The following KIF19 variants were observed in gnomAD, a reference collection of about 807,000 sequenced individuals.
KIF19 encodes the protein kinesin family member 19, also known as kinesin-like protein KIF19.
Under a neutral mutation model 106.6 loss-of-function variants are expected in KIF19, and 98 were observed. That is an observed-to-expected ratio of 0.92 (90% CI 0.78 to 1.09). KIF19 has a LOEUF of 1.09. Among genes scored for constraint, KIF19 ranks in the 50% least tolerant of loss-of-function variants. The pLI, the probability that KIF19 is intolerant of heterozygous loss-of-function variation, is 0.00. For synonymous variants in KIF19, 516 were observed against 584.2 expected (o/e 0.88, Z 1.68); for missense variants, 1,373 against 1,414.3 (o/e 0.97, Z 0.47).
Position 74,331,723 on chromosome 17 carries a change from C to T in KIF19, c.120+3218C>T, listed in dbSNP as rs1228212486. Among the ~76,000 whole-genome samples, 4 of 151,802 alleles carry T rather than the reference C, an allele frequency of 2.6e-5. No individual in the cohort carries two copies. Among genetic ancestry groups the T allele is most frequent in the East Asian group, 1.9e-4 (1 of 5,158 alleles). On this transcript the variant is annotated intron_variant, in intron 2 of 19. Coordinates refer to ENST00000389916, the MANE Select transcript of KIF19 (RefSeq NM_153209.4). The surrounding 1 kb of genome is among the most constrained non-coding windows in gnomAD (Gnocchi z 4.1). ...TCCCATGTAGCTGGGATTACGGGCG[C>T]GCGCCACCGTGCCCAGCTAATTTTT...
At chr17:74,340,425 CA>C (rs1282816528) in intron 2 of KIF19, among the ~76,000 whole-genome samples, 1 of 152,212 alleles carries the variant, frequency 6.6e-6, no homozygotes, top group Non-Finnish European at 1.5e-5. Context: ...GGGGCAGAGG[CA>C]GGGGCAGAGT....
chr17:74,342,510 A>T, intron 3 of KIF19, 120 bp from the exon 4 acceptor site: 2 of 603,662 alleles, frequency 3.3e-6, no homozygotes, highest in Non-Finnish European at 2.9e-6. Flanking sequence ...ACCCCCACTT[A>T]TCTTGGGGCT....
chr17:74,338,429 C>T (rs2054275866), intron 2 of KIF19, among the ~76,000 whole-genome samples: 1 of 152,046 alleles, frequency 6.6e-6, no homozygotes, highest in Admixed American at 6.6e-5. Flanking sequence ...AGTGAGTGGC[C>T]TCATTCTTTT....
At position 74,346,273 on chromosome 17, in the gene KIF19, G is replaced by A; in HGVS notation, c.778-105G>A. On this transcript the variant is annotated intron_variant, in intron 7 of 19. Transcript: ENST00000389916. The surrounding 1 kb of genome is among the most constrained non-coding windows in gnomAD (Gnocchi z 4.6). ...GAGGACGGCCACAAGGTCCTTGGGG[G>A]TTTATTACCCAGGATCACCAGGTCA... 3 of 1,323,844 alleles carry A rather than the reference G, an allele frequency of 2.3e-6. No individual in the cohort carries two copies. Among genetic ancestry groups the A allele is most frequent in the Non-Finnish European group, 3.1e-6 (3 of 967,110 alleles). 82.0% of individuals were successfully genotyped at this position (1,323,844 alleles called of 1,614,324 possible).
chr17:74,328,769 T>C lies in KIF19; in HGVS notation c.120+264T>C. ...CCTTTACCTTTCACATGCTCATTGCTTGACTTTCCCACCCTAATATGCCTG... is the reference window on the plus strand; with the variant it reads ...CCTTTACCTTTCACATGCTCATTGCCTGACTTTCCCACCCTAATATGCCTG... On this transcript the variant is annotated intron_variant, in intron 2 of 19. Transcript: ENST00000389916. The C allele has an allele frequency of 8.2e-6, 3 of 365,342 alleles. No homozygotes were observed. The South Asian group carries it at 1.0e-4, about 13-fold the overall frequency. 22.6% of individuals were successfully genotyped at this position (365,342 alleles called of 1,614,324 possible).
rs1567925212 is a variant in KIF19 at position 74,354,344 on chromosome 17, C to A, written c.2491C>A (p.Arg831=). ...GCCACCAGGCCCACTGGCCTGCAAGCGGCCGCCCAGCCCCACACTACAGCA... is the reference window on the plus strand; with the variant it reads ...GCCACCAGGCCCACTGGCCTGCAAGAGGCCGCCCAGCCCCACACTACAGCA... The part of the protein sequence containing the change: ...ARPPGPLACK[R]PPSPTLQHAA... Residue 831 remains arginine (R), a synonymous_variant, in exon 18 of 20, where the codon CGG becomes AGG. Coordinates refer to ENST00000389916, the MANE Select transcript of KIF19 (RefSeq NM_153209.4). 2 of 1,605,460 alleles carry A rather than the reference C, an allele frequency of 1.2e-6. No individual in the cohort carries two copies. The highest frequency in any genetic ancestry group is 1.7e-6 in the Non-Finnish European group (2 of 1,176,574).
At position 74,354,857 on chromosome 17, in the gene KIF19, A is replaced by G; in HGVS notation, c.2782A>G (p.Arg928Gly). 6.4e-7 allele frequency: 1 copy of G among 1,563,878 alleles called. No homozygotes were observed. Among genetic ancestry groups the G allele is most frequent in the African/African-American group, 1.4e-5 (1 of 73,608 alleles). ...RISDHRMPVC[R>G]HPAPGIRHLG... is the part of the protein sequence containing the mutation. ...CTCGGACCACAGGATGCCAGTGTGC[A>G]GGCACCCAGCCCCTGGTATCCGGCA... Residue 928 changes from arginine (R) to glycine (G), a missense_variant, in exon 19 of 20, where the codon AGG becomes GGG. Arg to Gly is a moderately radical substitution (Grantham distance 125). Transcript: ENST00000389916.
chr17:74,333,654 A>G (rs2054149261), intron 2 of KIF19, among the ~76,000 whole-genome samples: 1 of 151,522 alleles, frequency 6.6e-6, no homozygotes, highest in South Asian at 2.1e-4. Flanking sequence ...ATCTTTATCA[A>G]CTTCACTCCT....
chr17:74,344,661 C>T (rs917330233), intron 6 of KIF19, 100 bp from the exon 7 acceptor site: 77 of 1,286,266 alleles, frequency 6.0e-5, no homozygotes, highest in Non-Finnish European at 7.9e-5. Context: ...TTCCCAACTG[C>T]TCAGACATAG....
chr17:74,352,275 G>A lies in KIF19; in HGVS notation c.1915G>A (p.Glu639Lys), dbSNP rs2054736327. The change falls in exon 14 of 20, where the codon GAG becomes AAG. Residue 639 changes from glutamate to lysine, a missense_variant. Coordinates refer to ENST00000389916, the MANE Select transcript of KIF19 (RefSeq NM_153209.4). ...AGAGCTCTACGAAGTGTACCTGCGGGAGCTGGAGGAGGGCAGCCTGGAGCA... is the reference window on the plus strand; with the variant it reads ...AGAGCTCTACGAAGTGTACCTGCGGAAGCTGGAGGAGGGCAGCCTGGAGCA... ...LEELYEVYLR[E>K]LEEGSLEQAT... is the part of the protein sequence containing the mutation. 2.5e-6 allele frequency: 4 copies of A among 1,612,644 alleles called. No individual in the cohort carries two copies. The highest frequency in any genetic ancestry group is 1.7e-5 in the Admixed American group (1 of 59,938).
At position 74,352,122 on chromosome 17, in the gene KIF19, C is replaced by A; in HGVS notation, c.1843C>A (p.Arg615=). Residue 615 remains arginine, a synonymous_variant, in exon 13 of 20, where the codon CGG becomes AGG. Coordinates refer to ENST00000389916, the MANE Select transcript of KIF19 (RefSeq NM_153209.4). The part of the protein sequence containing the change: ...SLCDEIIQGQ[R]QIIDDYNLAV... Reference sequence around the variant, plus strand: ...CTGCGACGAGATTATCCAGGGCCAGCGGCAGATCATCGACGGTAGGGCCCA... The same window carrying A: ...CTGCGACGAGATTATCCAGGGCCAGAGGCAGATCATCGACGGTAGGGCCCA... The A allele has an allele frequency of 6.3e-7, 1 of 1,582,128 alleles. No homozygotes were observed. Among genetic ancestry groups the A allele is most frequent in the Non-Finnish European group, 8.6e-7 (1 of 1,161,492 alleles).
chr17:74,352,184 C>A (rs767104866), intron 13 of KIF19, 35 bp from the exon 14 acceptor site: 52 of 1,591,966 alleles, frequency 3.3e-5, no homozygotes, highest in Non-Finnish European at 4.5e-5. Flanking sequence ...GGGGGGGCCG[C>A]TGGCACTCAC....
chr17:74,341,777 T>C, intron 2 of KIF19, 99 bp from the exon 3 acceptor site: 1 of 821,644 alleles, frequency 1.2e-6, no homozygotes, highest in East Asian at 2.4e-5. Context: ...TTAACTCTGA[T>C]CGACAAAGGG....
chr17:74,353,614 C>T (rs748165647), intron 17 of KIF19, 33 bp downstream of exon 17: 17 of 1,548,562 alleles, frequency 1.1e-5, no homozygotes, highest in Non-Finnish European at 1.4e-5. Context: ...GGCCACCTCA[C>T]CTGGCCTTGT....
chr17:74,341,101 G>A (rs1223881169), intron 2 of KIF19, among the ~76,000 whole-genome samples: 3 of 152,128 alleles, frequency 2.0e-5, no homozygotes, highest in South Asian at 4.1e-4. Context: ...TTGGGAGGCC[G>A]AGGCTGGCGG....
chr17:74,354,867 C>T lies in KIF19; in HGVS notation c.2792C>T (p.Ala931Val). The change falls in exon 19 of 20, where the codon GCC (alanine) becomes GTC (valine). Residue 931 changes from alanine (A) to valine (V), a missense_variant. By Grantham distance (64) the Ala-to-Val change is moderately conservative. Transcript: ENST00000389916. Reference sequence around the variant, plus strand: ...AGGATGCCAGTGTGCAGGCACCCAGCCCCTGGTATCCGGCATCTGGGAAAG... The same window carrying T: ...AGGATGCCAGTGTGCAGGCACCCAGTCCCTGGTATCCGGCATCTGGGAAAG... Reference protein sequence around the residue: ...DHRMPVCRHPAPGIRHLGKVT... With the variant: ...DHRMPVCRHPVPGIRHLGKVT... 1.3e-6 allele frequency: 2 copies of T among 1,565,780 alleles called. No homozygotes were observed. Among genetic ancestry groups the T allele is most frequent in the Non-Finnish European group, 1.7e-6 (2 of 1,155,610 alleles).
Position 74,355,616 on chromosome 17 carries a change from T to C in KIF19, c.*304T>C, listed in dbSNP as rs2054861852. ...GCCCTGAGGCCAGCCTCGGCCTTGGTAACGGAGGAAAGCAGCTGACAGTGA... is the reference window on the plus strand; with the variant it reads ...GCCCTGAGGCCAGCCTCGGCCTTGGCAACGGAGGAAAGCAGCTGACAGTGA... On this transcript the variant is annotated 3_prime_UTR_variant, in exon 20 of 20. Coordinates refer to ENST00000389916, the MANE Select transcript of KIF19 (RefSeq NM_153209.4). 1 of 268,386 alleles carries C rather than the reference T, an allele frequency of 3.7e-6. No homozygotes were observed. The highest frequency in any genetic ancestry group is 5.3e-5 in the Admixed American group (1 of 19,002). 16.6% of individuals were successfully genotyped at this position (268,386 alleles called of 1,614,324 possible).
intron 6 of KIF19, 51 bp from the exon 7 acceptor site, chr17:74,344,710 C>G (rs1235340564): frequency 2.6e-6 from 4 of 1,553,050 alleles, no homozygotes; most frequent in Middle Eastern, 1.7e-4. Flanking sequence ...TCCTCTCTGC[C>G]GGAGCACCTA....
At chr17:74,338,112 T>C (rs906300106) in intron 2 of KIF19, among the ~76,000 whole-genome samples, 5 of 152,330 alleles carry the variant, frequency 3.3e-5, no homozygotes, top group Non-Finnish European at 7.4e-5. Flanking sequence ...GGGATGGGCA[T>C]TGGTGCATGC....
Sources: gnomAD v4.1 joint callset for allele counts (sites outside exome capture counted in the v4.1 genomes callset) on GRCh38, gnomAD v4.1.1 for gene constraint, Gnocchi (gnomAD v3.1) non-coding constraint, MANE v1.5 for transcripts, NCBI Gene and HGNC (gene_info 2026-07-23, HGNC 2026-07-21) for gene names.